The following EPC1 variants were observed in gnomAD, a reference collection of about 807,000 sequenced individuals.
The protein encoded by EPC1 is enhancer of polycomb 1, also known as enhancer of polycomb homolog 1.
A neutral mutation model predicts 98.4 loss-of-function variants in EPC1; 12 were observed. The ratio of observed to expected loss-of-function variants is 0.12; its 90% confidence interval spans 0.08 to 0.20. EPC1 has a LOEUF of 0.20. EPC1 is among the 10% of genes least tolerant of loss of function. EPC1 has a pLI of 1.00. For missense variants in EPC1, 729 were observed against 990.5 expected (o/e 0.74, Z 3.54); for synonymous variants, 357 against 363.9 (o/e 0.98, Z 0.21).
rs66512333 is a variant in EPC1 at position 32,343,703 on chromosome 10, G to GC, written c.153+3059_153+3060insG. On this transcript the variant is annotated intron_variant, in intron 1 of 13. Coordinates refer to ENST00000319778, the MANE Select transcript of EPC1 (RefSeq NM_001272004.3). ...TGCCTCCAAATTATTTTGGGGGGGG[G>GC]GTGTAAGGGCTTCTACTTAAAGTTG... Among the ~76,000 whole-genome samples, 9 of 150,090 alleles carry GC rather than the reference G, an allele frequency of 6.0e-5. No individual in the cohort carries two copies. The South Asian group carries it at 6.4e-4, about 11-fold the overall frequency.
intron 1 of EPC1, among the ~76,000 whole-genome samples, chr10:32,338,023 A>G (rs981998363): frequency 1.3e-5 from 2 of 152,216 alleles, no homozygotes; most frequent in African/African-American, 4.8e-5. Context: ...CATAAGCTGA[A>G]GACTCTCAGA....
intron 6 of EPC1, among the ~76,000 whole-genome samples, chr10:32,287,952 T>C (rs936891697): frequency 6.6e-6 from 1 of 152,162 alleles, no homozygotes; most frequent in East Asian, 1.9e-4. Flanking sequence ...TCGAAACATG[T>C]ATTGCAGATG....
chr10:32,320,038 G>T (rs1260983138), intron 1 of EPC1, among the ~76,000 whole-genome samples: 1 of 151,934 alleles, frequency 6.6e-6, no homozygotes, highest in Non-Finnish European at 1.5e-5. Flanking sequence ...AAATGGTTTG[G>T]GAAAAACATA....
chr10:32,275,697 C>A (rs1228172928), intron 10 of EPC1, among the ~76,000 whole-genome samples: 1 of 151,628 alleles, frequency 6.6e-6, no homozygotes, highest in African/African-American at 2.4e-5. Flanking sequence ...ATGGTGTGAA[C>A]CCGGGAGGCG....
chr10:32,367,361 T>C (rs1301314454), intron 1 of EPC1, among the ~76,000 whole-genome samples: 1 of 152,128 alleles, frequency 6.6e-6, no homozygotes, highest in Non-Finnish European at 1.5e-5. Context: ...TTTAAAACAA[T>C]AGCTGAAGAA....
chr10:32,329,452 TA>T (rs1451183046), intron 1 of EPC1, among the ~76,000 whole-genome samples: 1 of 152,196 alleles, frequency 6.6e-6, no homozygotes, highest in Non-Finnish European at 1.5e-5. Flanking sequence ...GGGAAACCCT[TA>T]AACTCAATTG....
At chr10:32,378,705 G>A (rs1839920181) in exon 1 of EPC1, 1 of 489,868 alleles carries the variant, frequency 2.0e-6, no homozygotes, top group Non-Finnish European at 3.7e-6. Context: ...GGGGGAAATC[G>A]GAGAAATATC....
intron 1 of EPC1, among the ~76,000 whole-genome samples, chr10:32,326,844 A>C (rs1043213728): frequency 6.6e-6 from 1 of 152,160 alleles, no homozygotes; most frequent in Non-Finnish European, 1.5e-5. Context: ...ACACCACAAT[A>C]AAATTTCACC....
At chr10:32,362,784 C>G (rs529579759) in intron 1 of EPC1, among the ~76,000 whole-genome samples, 37 of 152,242 alleles carry the variant, frequency 2.4e-4, no homozygotes, top group Non-Finnish European at 4.9e-4. Flanking sequence ...ATGGATACCC[C>G]ATCTGCTTGC....
At chr10:32,324,340 G>A (rs1476959767) in intron 1 of EPC1, among the ~76,000 whole-genome samples, 1 of 151,564 alleles carries the variant, frequency 6.6e-6, no homozygotes, top group East Asian at 2.0e-4. Flanking sequence ...TGGATCGCCT[G>A]AGGTCAGGAG....
At chr10:32,345,038 AAACC>A (rs1229240373) in intron 1 of EPC1, 1 of 665,100 alleles carries the variant, frequency 1.5e-6, no homozygotes, top group Middle Eastern at 7.6e-4. Context: ...GGGCAGGGTA[AAACC>A]AACACCCCAA....
intron 1 of EPC1, among the ~76,000 whole-genome samples, chr10:32,377,830 C>T (rs1001726913): frequency 6.6e-6 from 1 of 151,258 alleles, no homozygotes; most frequent in Non-Finnish European, 1.5e-5. Context: ...TAGAAAAATG[C>T]CAAAAATTAC....
intron 10 of EPC1, chr10:32,273,796 T>C (rs566426065): frequency 2.6e-5 from 4 of 152,350 alleles, no homozygotes; most frequent in Non-Finnish European, 5.9e-5. Context: ...ATTTGCTCTA[T>C]ATGAAAGATT....
intron 10 of EPC1, among the ~76,000 whole-genome samples, chr10:32,280,282 C>G (rs1194544979): frequency 6.6e-6 from 1 of 152,050 alleles, no homozygotes; most frequent in Non-Finnish European, 1.5e-5. Flanking sequence ...TGGTGAAACC[C>G]CGTCTCTACT....
chr10:32,276,735 G>A (rs1394425724), intron 10 of EPC1, among the ~76,000 whole-genome samples: 1 of 152,182 alleles, frequency 6.6e-6, no homozygotes, highest in African/African-American at 2.4e-5. Flanking sequence ...TAACCTGAAA[G>A]TCTAACCAAA....
At chr10:32,270,324 A>C (rs1355119273) in intron 13 of EPC1, among the ~76,000 whole-genome samples, 1 of 152,182 alleles carries the variant, frequency 6.6e-6, no homozygotes. Context: ...CTGCTAACTA[A>C]ACTGAAAACA....
chr10:32,339,878 A>G (rs1838228836), intron 1 of EPC1, among the ~76,000 whole-genome samples: 1 of 152,228 alleles, frequency 6.6e-6, no homozygotes, highest in South Asian at 2.1e-4. Context: ...AATGGATACA[A>G]AATCAAGGTA....
At chr10:32,335,696 A>G (rs945540479) in intron 1 of EPC1, among the ~76,000 whole-genome samples, 1 of 152,092 alleles carries the variant, frequency 6.6e-6, no homozygotes, top group African/African-American at 2.4e-5. Context: ...CAACTACCAC[A>G]CTTCTGGCAT....
At chr10:32,365,427 A>G (rs1839570830) in intron 1 of EPC1, among the ~76,000 whole-genome samples, 1 of 152,194 alleles carries the variant, frequency 6.6e-6, no homozygotes, top group South Asian at 2.1e-4. Context: ...AGTCTTATTT[A>G]GGCACTGAGA....
Sources: allele counts gnomAD v4.1 joint callset (sites outside exome capture counted in the v4.1 genomes callset), GRCh38; gene constraint gnomAD v4.1.1; transcripts MANE v1.5; gene names NCBI Gene and HGNC (gene_info 2026-07-23, HGNC 2026-07-21).